SUGCT: variants seen among roughly 807,000 people sequenced by gnomAD.
The protein encoded by SUGCT is succinyl-CoA:glutarate-CoA transferase.
In SUGCT, 41 loss-of-function variants were observed where a neutral mutation model predicts 55.0. The ratio of observed to expected loss-of-function variants is 0.74; its 90% CI spans 0.58 to 0.97. SUGCT has a LOEUF of 0.97. Among genes scored for constraint, SUGCT ranks in the 50% least tolerant of loss-of-function variants. The probability of loss-of-function intolerance (pLI) is 0.00; values close to 1 mark genes in which losing one functional copy is unlikely to be tolerated. For synonymous variants in SUGCT, 187 were observed against 200.4 expected, an observed-to-expected ratio of 0.93 and a Z score of 0.56; for missense variants, 568 against 547.8, an observed-to-expected ratio of 1.04 and a Z score of -0.37.
chr7:40,861,928 G>A (rs1794493683), downstream of SUGCT, among the ~76,000 whole-genome samples: 1 of 152,208 alleles, frequency 6.6e-6, no homozygotes, highest in African/African-American at 2.4e-5. Flanking sequence ...AATTCACAAT[G>A]CATACTCAGA....
the SUGCT span, chr7:40,966,641 A>G: frequency 6.6e-6 from 1 of 152,210 alleles, no homozygotes; most frequent in South Asian, 2.1e-4. Flanking sequence ...CAACTACCTC[A>G]TCACACCACT....
At chr7:40,423,525 G>A (rs535757461) in intron 9 of SUGCT, among the ~76,000 whole-genome samples, 11 of 152,022 alleles carry the variant, frequency 7.2e-5, no homozygotes, top group Admixed American at 3.3e-4. Flanking sequence ...ATGGTCAGCC[G>A]TTGCTTTCCA....
chr7:40,526,622 G>T (rs1279035624), intron 12 of SUGCT, among the ~76,000 whole-genome samples: 3 of 152,122 alleles, frequency 2.0e-5, no homozygotes, highest in Non-Finnish European at 4.4e-5. Flanking sequence ...GTTTGGGAGG[G>T]ATTGGTTGGG....
intron 9 of SUGCT, among the ~76,000 whole-genome samples, chr7:40,347,389 G>A (rs1226146286): frequency 6.6e-6 from 1 of 152,012 alleles, no homozygotes; most frequent in Non-Finnish European, 1.5e-5. Flanking sequence ...TTGTCTTCTA[G>A]TGTTTTTGTT....
chr7:40,445,306 T>C (rs1418860925), intron 9 of SUGCT, among the ~76,000 whole-genome samples: 1 of 151,970 alleles, frequency 6.6e-6, no homozygotes, highest in Non-Finnish European at 1.5e-5. Flanking sequence ...TAAAAAATGA[T>C]AAAGGGGATA....
intron 8 of SUGCT, among the ~76,000 whole-genome samples, chr7:40,291,188 A>G (rs527867931): frequency 1.3e-5 from 2 of 152,170 alleles, no homozygotes; most frequent in South Asian, 2.1e-4. Context: ...TCATGCTGCT[A>G]TAAAGACACA....
chr7:40,370,256 G>T (rs1277558702), intron 9 of SUGCT, among the ~76,000 whole-genome samples: 2 of 152,114 alleles, frequency 1.3e-5, no homozygotes, highest in African/African-American at 4.8e-5. Context: ...AGGCAAAAAA[G>T]AAGGAAGACA....
chr7:40,884,263 A>T, the SUGCT span, among the ~76,000 whole-genome samples: 1 of 152,232 alleles, frequency 6.6e-6, no homozygotes. Flanking sequence ...AGACTTCAGG[A>T]ACCTTCAGCA....
intron 3 of SUGCT, 139 bp downstream of exon 3, chr7:40,182,167 A>G: frequency 1.7e-6 from 1 of 605,556 alleles, no homozygotes; most frequent in African/African-American, 1.9e-5. Context: ...TTTCTTCTCC[A>G]TTTCTTGTTT....
At chr7:40,389,322 A>C (rs557440176) in intron 9 of SUGCT, among the ~76,000 whole-genome samples, 2 of 152,108 alleles carry the variant, frequency 1.3e-5, no homozygotes, top group East Asian at 1.9e-4. Context: ...GGTGGCAGAC[A>C]TGTGTTGTAG....
chr7:40,384,570 A>G (rs1051449552), intron 9 of SUGCT, among the ~76,000 whole-genome samples: 2 of 149,786 alleles, frequency 1.3e-5, no homozygotes, highest in Admixed American at 1.3e-4. Flanking sequence ...TTTTTTTTTG[A>G]GACAGTATCT....
At chr7:40,339,180 G>A (rs533248372) in intron 9 of SUGCT, among the ~76,000 whole-genome samples, 22 of 152,320 alleles carry the variant, frequency 1.4e-4, no homozygotes, top group African/African-American at 5.3e-4. Context: ...TCCCAGTTAG[G>A]CTACTCAGGG....
chr7:40,328,274 C>A (rs137879843), intron 9 of SUGCT, among the ~76,000 whole-genome samples: 2 of 152,098 alleles, frequency 1.3e-5, no homozygotes, highest in Non-Finnish European at 2.9e-5. Flanking sequence ...ATCCTTTGGT[C>A]GCATATGCTA....
intron 7 of SUGCT, among the ~76,000 whole-genome samples, chr7:40,274,073 CTTT>C (rs386409972): frequency 0.016 from 1,059 of 67,988 alleles, 7 homozygotes; most frequent in African/African-American, 0.059. Context: ...TTTTTACCTT[CTTT>C]TTTTTTTTTT....
intron 5 of SUGCT, among the ~76,000 whole-genome samples, chr7:40,190,924 A>G (rs1562565093): frequency 6.6e-6 from 1 of 152,152 alleles, no homozygotes; most frequent in African/African-American, 2.4e-5. Context: ...CGTTTGGTTG[A>G]AAAGAATCCA....
intron 12 of SUGCT, among the ~76,000 whole-genome samples, chr7:40,638,110 C>G (rs1008794010): frequency 6.6e-6 from 1 of 152,188 alleles, no homozygotes; most frequent in South Asian, 2.1e-4. Flanking sequence ...TGTAGCTTAC[C>G]TCTGTTGAAC....
chr7:40,208,693 C>T (rs1293364056), intron 6 of SUGCT, among the ~76,000 whole-genome samples: 2 of 151,952 alleles, frequency 1.3e-5, no homozygotes, highest in Admixed American at 1.3e-4. Context: ...TACAGGTGCA[C>T]ACCGCCATGT....
the SUGCT span, among the ~76,000 whole-genome samples, chr7:40,962,526 A>C: frequency 6.6e-6 from 1 of 150,720 alleles, no homozygotes; most frequent in Non-Finnish European, 1.5e-5. Flanking sequence ...CTCACCAAGA[A>C]CCCTCAACCC....
chr7:40,231,442 T>C (rs971836449), intron 6 of SUGCT, among the ~76,000 whole-genome samples: 3 of 152,144 alleles, frequency 2.0e-5, no homozygotes, highest in African/African-American at 7.2e-5. Context: ...ATAAGTACTT[T>C]AGAGAGAATG....
Sources: gnomAD v4.1 joint callset for allele counts (sites outside exome capture counted in the v4.1 genomes callset) on GRCh38, gnomAD v4.1.1 for gene constraint, MANE v1.5 for transcripts, NCBI Gene and HGNC (gene_info 2026-07-23, HGNC 2026-07-21) for gene names.